Variants in PDE1C observed in about 807,000 individuals in gnomAD.
PDE1C encodes the protein dual specificity calcium/calmodulin-dependent 3',5'-cyclic nucleotide phosphodiesterase 1C.
PDE1C carries 62 observed loss-of-function variants against 93.1 expected under a neutral mutation model. The ratio of observed to expected loss-of-function variants is 0.67; its 90% CI spans 0.54 to 0.82. The LOEUF is 0.82. Among genes scored for constraint, PDE1C ranks in the 40% least tolerant of loss-of-function variants. The probability of loss-of-function intolerance (pLI) is 0.00; values close to 1 mark genes in which losing one functional copy is unlikely to be tolerated. For missense variants in PDE1C, 742 were observed against 884.6 expected, an observed-to-expected ratio of 0.84 and a Z score of 2.04; for synonymous variants, 325 against 310.1, an observed-to-expected ratio of 1.05 and a Z score of -0.50.
intron 2 of PDE1C, among the ~76,000 whole-genome samples, chr7:31,952,865 C>A (rs907893245): frequency 6.6e-6 from 1 of 152,072 alleles, no homozygotes; most frequent in South Asian, 2.1e-4. Context: ...TCACCCTTAA[C>A]AAGACAATGC....
intron 1 of PDE1C, among the ~76,000 whole-genome samples, chr7:32,313,301 T>C (rs1192323336): frequency 3.3e-5 from 5 of 150,754 alleles, no homozygotes; most frequent in African/African-American, 4.9e-5. Flanking sequence ...TTTACACTGT[T>C]GGTGGGACTG....
the PDE1C span, among the ~76,000 whole-genome samples, chr7:31,648,272 A>G: frequency 6.6e-6 from 1 of 152,226 alleles, no homozygotes; most frequent in Admixed American, 6.5e-5. Flanking sequence ...GGTTTGGGTC[A>G]GTAGAGCAGA....
intron 3 of PDE1C, among the ~76,000 whole-genome samples, chr7:31,880,293 C>T (rs1195553201): frequency 1.3e-5 from 2 of 152,156 alleles, no homozygotes; most frequent in South Asian, 2.1e-4. Flanking sequence ...CAGCGACATA[C>T]GTAAGACTGA....
chr7:32,188,413 C>G (rs1187159952), intron 2 of PDE1C, among the ~76,000 whole-genome samples: 2 of 151,982 alleles, frequency 1.3e-5, no homozygotes, highest in African/African-American at 2.4e-5. Context: ...CTCCTACTAC[C>G]TTTTCTCATC....
chr7:32,165,951 T>A (rs1354118402), intron 3 of PDE1C, among the ~76,000 whole-genome samples: 5 of 151,030 alleles, frequency 3.3e-5, no homozygotes, highest in African/African-American at 9.8e-5. Context: ...GTTTTAACAA[T>A]CCCCCCGGGT....
chr7:31,796,907 T>C (rs1245682339), intron 16 of PDE1C, among the ~76,000 whole-genome samples: 1 of 151,752 alleles, frequency 6.6e-6, no homozygotes, highest in African/African-American at 2.4e-5. Flanking sequence ...TTTACCCAGA[T>C]TCATGAGAAA....
chr7:31,902,466 T>G (rs1426813647), intron 2 of PDE1C, among the ~76,000 whole-genome samples: 1 of 151,846 alleles, frequency 6.6e-6, no homozygotes, highest in Non-Finnish European at 1.5e-5. Context: ...AAATTGCTGA[T>G]GGGTCTATAA....
chr7:31,862,563 G>A (rs1473777253), intron 7 of PDE1C, among the ~76,000 whole-genome samples: 13 of 152,106 alleles, frequency 8.5e-5, no homozygotes, highest in Admixed American at 8.5e-4. Context: ...CCTGCTTCTG[G>A]ATTTATAGAT....
At chr7:32,420,222 C>T (rs12381402) in intron 1 of PDE1C, among the ~76,000 whole-genome samples, 8 of 16,348 alleles carry the variant, frequency 4.9e-4, no homozygotes, top group Admixed American at 2.5e-3. Flanking sequence ...TGTATATATA[C>T]ATATATATGT....
chr7:31,934,840 A>G (rs1309185365), intron 2 of PDE1C, among the ~76,000 whole-genome samples: 1 of 152,202 alleles, frequency 6.6e-6, no homozygotes, highest in Non-Finnish European at 1.5e-5. Flanking sequence ...TCTGTGGGCC[A>G]GAAAATCATG....
intron 2 of PDE1C, among the ~76,000 whole-genome samples, chr7:31,959,141 C>T (rs918938908): frequency 2.6e-5 from 4 of 151,996 alleles, no homozygotes; most frequent in African/African-American, 9.7e-5. Context: ...TAATTGTTTA[C>T]AAAAAAATAT....
intron 1 of PDE1C, among the ~76,000 whole-genome samples, chr7:32,419,374 A>C (rs1785340406): frequency 6.6e-6 from 1 of 152,200 alleles, no homozygotes; most frequent in Admixed American, 6.5e-5. Context: ...ACAGAGAGAA[A>C]GAGAGAGAGC....
chr7:32,185,792 T>C (rs1039376442), intron 2 of PDE1C, among the ~76,000 whole-genome samples: 1 of 152,210 alleles, frequency 6.6e-6, no homozygotes, highest in Non-Finnish European at 1.5e-5. Context: ...TTTAATAAAA[T>C]CAAAAATCCA....
rs142924144 is a variant in PDE1C at position 32,226,689 on chromosome 7, T to A, written c.86-17150A>T. Among the ~76,000 whole-genome samples, 261 of 152,296 alleles carry A rather than the reference T, an allele frequency of 1.7e-3. 2 individuals carry two copies. The Middle Eastern group carries it at 0.034, about 20-fold the overall frequency. ...GGCAGAGTGTGATGGTTGGAGACCA[T>A]GCCCACTGCAGTGTCTAGCACGTAG... On this transcript the variant is annotated intron_variant, in intron 1 of 18. Transcript: ENST00000396193.
At chr7:32,245,056 G>A (rs747470170) in intron 1 of PDE1C, among the ~76,000 whole-genome samples, 2 of 152,184 alleles carry the variant, frequency 1.3e-5, no homozygotes, top group Non-Finnish European at 2.9e-5. Context: ...TTCATAACCG[G>A]TGTGTGGTTG....
chr7:32,002,515 G>A (rs1006642551), intron 2 of PDE1C, among the ~76,000 whole-genome samples: 2 of 152,144 alleles, frequency 1.3e-5, no homozygotes, highest in Non-Finnish European at 2.9e-5. Flanking sequence ...AGTCCACTTC[G>A]GGGATTAAAT....
chr7:32,072,266 C>T (rs920900570), upstream of PDE1C, among the ~76,000 whole-genome samples: 19 of 152,162 alleles, frequency 1.2e-4, no homozygotes, highest in African/African-American at 1.9e-4. Flanking sequence ...TGATGAAAAA[C>T]GACTTACCTA....
In PDE1C at chr7:32,105,639, T is replaced by C. The variant is rs1798260988; in HGVS notation, c.308+64146A>G. Reference sequence around the variant, plus strand: ...TTCAGCCTGGATCTCCTAAACTCAATCCATCCTCCCTCTTCATCCTCCCAA... The same window carrying C: ...TTCAGCCTGGATCTCCTAAACTCAACCCATCCTCCCTCTTCATCCTCCCAA... On this transcript the variant is annotated intron_variant, in intron 3 of 18. Transcript: ENST00000396193. Among the ~76,000 whole-genome samples the C allele has an allele frequency of 2.0e-5, 3 of 151,500 alleles. No homozygotes were observed. In the South Asian group the frequency reaches 6.3e-4, roughly 32 times the overall value.
In PDE1C at chr7:32,285,029, C is replaced by CA. The variant is rs773479808; in HGVS notation, c.85+13621dup. Among the ~76,000 whole-genome samples the CA allele has an allele frequency of 1.9e-3, 152 of 81,006 alleles. 1 individual carries two copies. The highest frequency in any genetic ancestry group is 3.8e-3 in the Admixed American group (29 of 7,680). The allele number at this position is 81,006 out of a possible 152,430, so 53.1% of individuals were successfully genotyped here. A position where few individuals can be genotyped will look rare whatever the true frequency, so the allele number is the denominator to read the frequency against. ...TGGGCGACAGAGCGAGACTCTGTCT[C>CA]AAAAAAAAAAAAAAGAAAAAAGAAA... On this transcript the variant is annotated intron_variant, in intron 1 of 18. Coordinates refer to the PDE1C transcript ENST00000396193.
Sources: allele counts gnomAD v4.1 joint callset (sites outside exome capture counted in the v4.1 genomes callset), GRCh38; gene constraint gnomAD v4.1.1; transcripts MANE v1.5; gene names NCBI Gene and HGNC (gene_info 2026-07-23, HGNC 2026-07-21).